AGBL4: variants seen among roughly 807,000 people sequenced by gnomAD.
AGBL4 encodes AGBL carboxypeptidase 4, also known as cytosolic carboxypeptidase 6.
AGBL4 carries 58 observed loss-of-function variants against 66.4 expected under a neutral mutation model. The ratio of observed to expected loss-of-function variants is 0.87; its 90% CI spans 0.71 to 1.09. AGBL4 has a LOEUF of 1.09. Ranked by LOEUF, AGBL4 falls within the 50% of genes least tolerant of loss-of-function variation. AGBL4 has a pLI of 0.00. For synonymous variants in AGBL4, 234 were observed against 222.9 expected, an observed-to-expected ratio of 1.05 and a Z score of -0.44; for missense variants, 579 against 631.0, an observed-to-expected ratio of 0.92 and a Z score of 0.88.
chr1:49,441,511 T>C (rs1477442524), intron 3 of AGBL4, among the ~76,000 whole-genome samples: 1 of 152,192 alleles, frequency 6.6e-6, no homozygotes, highest in Non-Finnish European at 1.5e-5. Context: ...TTAGGGAGAT[T>C]GTGATGGTGA....
chr1:49,924,842 A>C (rs531135337), intron 1 of AGBL4, among the ~76,000 whole-genome samples: 1 of 152,318 alleles, frequency 6.6e-6, no homozygotes, highest in East Asian at 1.9e-4. Flanking sequence ...TCATGGGAAC[A>C]CCAAAATTGA....
At chr1:49,587,121 C>G (rs1229791204) in intron 3 of AGBL4, among the ~76,000 whole-genome samples, 1 of 152,086 alleles carries the variant, frequency 6.6e-6, no homozygotes, top group Non-Finnish European at 1.5e-5. Flanking sequence ...TGGCATATGC[C>G]TGTAGTCCCA....
chr1:49,317,845 A>T (rs1473756236), intron 3 of AGBL4, among the ~76,000 whole-genome samples: 1 of 152,060 alleles, frequency 6.6e-6, no homozygotes, highest in Non-Finnish European at 1.5e-5. Context: ...TATTATAATT[A>T]CTGTATATGT....
At chr1:49,708,941 A>G (rs1173274356) in intron 2 of AGBL4, among the ~76,000 whole-genome samples, 1 of 152,164 alleles carries the variant, frequency 6.6e-6, no homozygotes, top group Non-Finnish European at 1.5e-5. Context: ...CCTCTCCCAG[A>G]GCGACACCTG....
At chr1:49,743,306 T>A (rs1377808968) in intron 2 of AGBL4, among the ~76,000 whole-genome samples, 1 of 152,186 alleles carries the variant, frequency 6.6e-6, no homozygotes, top group African/African-American at 2.4e-5. Flanking sequence ...GAAAAAATGC[T>A]CATCATCACT....
intron 4 of AGBL4, among the ~76,000 whole-genome samples, chr1:49,088,194 A>G (rs1644941081): frequency 1.3e-5 from 2 of 152,230 alleles, no homozygotes. Context: ...CACAATAACT[A>G]GCTAACAATA....
At chr1:48,761,550 A>G in intron 6 of AGBL4, 1 of 1,387,178 alleles carries the variant, frequency 7.2e-7, no homozygotes, top group Non-Finnish European at 9.7e-7. Flanking sequence ...AAAACCTCAA[A>G]TGCTAGAAAA....
At chr1:48,635,673 A>G (rs1645656988) in intron 8 of AGBL4, among the ~76,000 whole-genome samples, 1 of 152,196 alleles carries the variant, frequency 6.6e-6, no homozygotes, top group South Asian at 2.1e-4. Flanking sequence ...ATGGACCACA[A>G]GCTTTTCAAG....
intron 2 of AGBL4, among the ~76,000 whole-genome samples, chr1:49,812,958 G>T (rs577912820): frequency 1.7e-4 from 26 of 152,122 alleles, no homozygotes; most frequent in Non-Finnish European, 3.4e-4. Context: ...AAAGATATGG[G>T]AAAGAAGCCA....
rs138014154 is a variant in AGBL4 at position 48,995,428 on chromosome 1, T to C, written c.594+50156A>G. Among the ~76,000 whole-genome samples the C allele has an allele frequency of 1.9e-3, 283 of 152,360 alleles. 2 individuals are homozygous for C. Among genetic ancestry groups the C allele is most frequent in the African/African-American group, 6.4e-3 (268 of 41,598 alleles). On this transcript the variant is annotated intron_variant, in intron 5 of 13. Coordinates refer to ENST00000371839, the MANE Select transcript of AGBL4 (RefSeq NM_032785.4). Reference sequence around the variant, plus strand: ...ATGTTTACTAAGTGCTGGGCATTATTCTAGGTGCTGGGAATATAGCAATAA... The same window carrying C: ...ATGTTTACTAAGTGCTGGGCATTATCCTAGGTGCTGGGAATATAGCAATAA...
intron 4 of AGBL4, among the ~76,000 whole-genome samples, chr1:49,154,650 T>A (rs192251624): frequency 5.3e-4 from 80 of 152,250 alleles, no homozygotes; most frequent in African/African-American, 1.9e-3. Flanking sequence ...TTTATTATTG[T>A]CTCCCATGGT....
At chr1:48,577,688 G>C (rs987504917) in intron 11 of AGBL4, among the ~76,000 whole-genome samples, 5 of 139,342 alleles carry the variant, frequency 3.6e-5, no homozygotes, top group Admixed American at 2.1e-4. Flanking sequence ...CAGCTCAGCC[G>C]GGCACTGCAG....
At chr1:49,597,119 G>T (rs147234092) in intron 3 of AGBL4, among the ~76,000 whole-genome samples, 1 of 152,128 alleles carries the variant, frequency 6.6e-6, no homozygotes, top group Non-Finnish European at 1.5e-5. Context: ...AGATGTGCAC[G>T]CCACCTATTC....
intron 9 of AGBL4, among the ~76,000 whole-genome samples, chr1:48,593,365 A>G (rs1644946103): frequency 6.6e-6 from 1 of 152,262 alleles, no homozygotes; most frequent in Non-Finnish European, 1.5e-5. Flanking sequence ...ATTGATAAAC[A>G]TTTAATGTAT....
chr1:48,986,870 G>T (rs1017313861), intron 5 of AGBL4, among the ~76,000 whole-genome samples: 1 of 151,850 alleles, frequency 6.6e-6, no homozygotes, highest in African/African-American at 2.4e-5. Flanking sequence ...TTGATATAAG[G>T]TTCTTATACT....
chr1:48,566,881 T>G (rs929280896), intron 11 of AGBL4, among the ~76,000 whole-genome samples: 1 of 152,164 alleles, frequency 6.6e-6, no homozygotes, highest in African/African-American at 2.4e-5. Context: ...GTAATCTCAG[T>G]GCTTTGGGAG....
chr1:49,779,143 T>C (rs1342635345), intron 2 of AGBL4, among the ~76,000 whole-genome samples: 1 of 152,168 alleles, frequency 6.6e-6, no homozygotes, highest in Non-Finnish European at 1.5e-5. Flanking sequence ...AAACAATTAA[T>C]GCTATAAAAT....
At chr1:49,824,309 A>AG (rs1645449816) in intron 2 of AGBL4, among the ~76,000 whole-genome samples, 1 of 152,224 alleles carries the variant, frequency 6.6e-6, no homozygotes, top group Admixed American at 6.5e-5. Flanking sequence ...AGAGAAGTAC[A>AG]GGATATGGTT....
At chr1:49,648,301 T>G (rs924304961) in intron 3 of AGBL4, among the ~76,000 whole-genome samples, 3 of 149,220 alleles carry the variant, frequency 2.0e-5, no homozygotes, top group African/African-American at 7.4e-5. Context: ...AATAGATACC[T>G]CAAAAATGGA....
Sources: gnomAD v4.1 joint callset for allele counts (sites outside exome capture counted in the v4.1 genomes callset) on GRCh38, gnomAD v4.1.1 for gene constraint, MANE v1.5 for transcripts, NCBI Gene and HGNC (gene_info 2026-07-23, HGNC 2026-07-21) for gene names.